Variants in MEI4 observed in about 807,000 individuals in gnomAD.
MEI4 encodes the protein meiosis-specific protein MEI4.
A neutral mutation model predicts 31.4 loss-of-function variants in MEI4; 27 were observed. The ratio of observed to expected loss-of-function variants is 0.86; its 90% CI spans 0.63 to 1.19. The LOEUF (loss-of-function observed/expected upper bound fraction) is 1.19, where lower values mean the gene tolerates loss of function less well. Ranked by LOEUF, MEI4 falls within the 50% of genes most tolerant of loss-of-function variation. MEI4 has a pLI of 0.00. For missense variants in MEI4, 329 were observed against 398.9 expected (o/e 0.82, Z 1.49); for synonymous variants, 122 against 145.4 (o/e 0.84, Z 1.16).
At chr6:77,764,221 T>G (rs1196495223) in intron 3 of MEI4, among the ~76,000 whole-genome samples, 1 of 152,182 alleles carries the variant, frequency 6.6e-6, no homozygotes, top group Non-Finnish European at 1.5e-5. Context: ...TTTAGGAATT[T>G]ATCCATTTCT....
Position 77,802,910 on chromosome 6 carries a change from T to G in MEI4, c.769-26021T>G, listed in dbSNP as rs532342845. ...CTCTCTGGCTGCCCTTAACATTTTT[T>G]CCTTCATTTCAACTTTGGTGAATCT... is the stretch of plus-strand genomic sequence containing the variant. On this transcript the variant is annotated intron_variant, in intron 3 of 4. Transcript: ENST00000684080. Among the ~76,000 whole-genome samples, 841 of 152,306 alleles carry G rather than the reference T, an allele frequency of 5.5e-3. 7 individuals carry two copies. Among genetic ancestry groups the G allele is most frequent in the African/African-American group, 0.015 (613 of 41,576 alleles).
At chr6:77,875,762 T>G (rs1771318324) in intron 4 of MEI4, among the ~76,000 whole-genome samples, 1 of 152,198 alleles carries the variant, frequency 6.6e-6, no homozygotes, top group African/African-American at 2.4e-5. Flanking sequence ...AAATGCATAT[T>G]ACATGGTAAA....
At chr6:77,911,779 A>T (rs1766441210) in intron 4 of MEI4, among the ~76,000 whole-genome samples, 2 of 150,040 alleles carry the variant, frequency 1.3e-5, no homozygotes, top group South Asian at 4.2e-4. Context: ...TCCACTGTTG[A>T]TGGGCATCCA....
chr6:77,759,673 A>T (rs796416766), intron 2 of MEI4, among the ~76,000 whole-genome samples: 10 of 152,232 alleles, frequency 6.6e-5, no homozygotes, highest in African/African-American at 2.2e-4. Flanking sequence ...TCCAGATTAC[A>T]TATTGATATT....
At chr6:77,890,899 AT>A in intron 4 of MEI4, among the ~76,000 whole-genome samples, 1 of 152,274 alleles carries the variant, frequency 6.6e-6, no homozygotes, top group East Asian at 1.9e-4. Flanking sequence ...GAATAAAGAC[AT>A]GTTCACTTCC....
At chr6:77,738,391 A>G (rs913949592) in intron 2 of MEI4, among the ~76,000 whole-genome samples, 1 of 152,192 alleles carries the variant, frequency 6.6e-6, no homozygotes, top group African/African-American at 2.4e-5. Context: ...AGAATGGGAT[A>G]AATTAACTGA....
At chr6:77,777,908 G>A (rs944897490) in intron 3 of MEI4, among the ~76,000 whole-genome samples, 6 of 151,898 alleles carry the variant, frequency 4.0e-5, no homozygotes, top group Non-Finnish European at 8.8e-5. Flanking sequence ...AAAAAATATG[G>A]TTATGAAAAC....
chr6:77,746,895 C>G (rs1163998894), intron 2 of MEI4, among the ~76,000 whole-genome samples: 1 of 151,850 alleles, frequency 6.6e-6, no homozygotes, highest in Non-Finnish European at 1.5e-5. Context: ...TTTTTATGTG[C>G]GATGCATGAA....
intron 4 of MEI4, among the ~76,000 whole-genome samples, chr6:77,885,743 TC>T (rs1331537352): frequency 6.6e-6 from 1 of 152,166 alleles, no homozygotes; most frequent in African/African-American, 2.4e-5. Flanking sequence ...TTTGTCTTGT[TC>T]CAGTTATTAG....
At chr6:77,675,876 G>T (rs186315318) in intron 1 of MEI4, among the ~76,000 whole-genome samples, 1 of 152,158 alleles carries the variant, frequency 6.6e-6, no homozygotes, top group Non-Finnish European at 1.5e-5. Flanking sequence ...AATTTCAGCC[G>T]AGTGTCCCTG....
At chr6:77,714,677 C>T in intron 2 of MEI4, among the ~76,000 whole-genome samples, 1 of 152,162 alleles carries the variant, frequency 6.6e-6, no homozygotes, top group East Asian at 1.9e-4. Flanking sequence ...CCCAGAATTT[C>T]TTTTCAGCCC....
chr6:77,906,144 T>C (rs1044424104), intron 4 of MEI4, among the ~76,000 whole-genome samples: 1 of 152,160 alleles, frequency 6.6e-6, no homozygotes, highest in African/African-American at 2.4e-5. Flanking sequence ...CTTAAAATAA[T>C]TATTTTTAAT....
chr6:77,702,692 A>G (rs1423659410), intron 2 of MEI4, among the ~76,000 whole-genome samples: 3 of 152,190 alleles, frequency 2.0e-5, no homozygotes, highest in Non-Finnish European at 4.4e-5. Context: ...AATTTCAGAT[A>G]TAACCCAAAG....
chr6:77,849,097 AAAAT>A (rs577366068), intron 4 of MEI4, among the ~76,000 whole-genome samples: 61 of 152,198 alleles, frequency 4.0e-4, no homozygotes, highest in Admixed American at 7.9e-4. Context: ...GAAATAAACA[AAAAT>A]AAAAATCAGG....
intron 4 of MEI4, among the ~76,000 whole-genome samples, chr6:77,907,642 G>A (rs1026658066): frequency 1.3e-5 from 2 of 151,058 alleles, no homozygotes; most frequent in African/African-American, 4.9e-5. Context: ...TAATCCTTTG[G>A]GTATATACCC....
At chr6:77,686,540 CAT>C (rs568848922) in intron 1 of MEI4, among the ~76,000 whole-genome samples, 208 of 152,002 alleles carry the variant, frequency 1.4e-3, no homozygotes, top group African/African-American at 4.7e-3. Flanking sequence ...CATTTAATGT[CAT>C]GTGGGAAATA....
At position 77,847,196 on chromosome 6, in the gene MEI4, G is replaced by T. The variant is rs897347985; in HGVS notation, c.900+18134G>T. Among the ~76,000 whole-genome samples the T allele has an allele frequency of 6.6e-6, 1 of 152,060 alleles. No individual in the cohort carries two copies. Among genetic ancestry groups the T allele is most frequent in the East Asian group, 1.9e-4 (1 of 5,186 alleles). On this transcript the variant is annotated intron_variant, in intron 4 of 4. Transcript: ENST00000684080. This position sits in a 1 kb window ranked among gnomAD's most constrained non-coding sequence, Gnocchi z 4.6. ...TCAATGTTCTGAAATGGTGTGTATGGAGCCAGTATATACAGAACAAATAGT... is the reference window on the plus strand; with the variant it reads ...TCAATGTTCTGAAATGGTGTGTATGTAGCCAGTATATACAGAACAAATAGT...
intron 2 of MEI4, among the ~76,000 whole-genome samples, chr6:77,713,959 C>T (rs1453855155): frequency 2.6e-5 from 4 of 151,984 alleles, no homozygotes; most frequent in Non-Finnish European, 5.9e-5. Flanking sequence ...TCATTTAGCT[C>T]CTACTTATAA....
intron 2 of MEI4, among the ~76,000 whole-genome samples, chr6:77,755,952 A>G (rs866088517): frequency 2.6e-5 from 4 of 152,128 alleles, no homozygotes; most frequent in African/African-American, 9.7e-5. Flanking sequence ...ATGAAGGCAG[A>G]AACTTTATTT....
Sources: allele counts gnomAD v4.1 joint callset (sites outside exome capture counted in the v4.1 genomes callset), GRCh38; gene constraint gnomAD v4.1.1; non-coding constraint Gnocchi (gnomAD v3.1); transcripts MANE v1.5; gene names NCBI Gene and HGNC (gene_info 2026-07-23, HGNC 2026-07-21).